PDE3B: variants seen among roughly 807,000 people sequenced by gnomAD.
PDE3B encodes cGMP-inhibited 3',5'-cyclic phosphodiesterase 3B.
In PDE3B, 66 loss-of-function variants were observed where a neutral mutation model predicts 116.8. That is an observed-to-expected ratio of 0.56 (90% CI 0.46 to 0.69). The LOEUF (loss-of-function observed/expected upper bound fraction) is 0.69, where lower values mean the gene tolerates loss of function less well. Among genes scored for constraint, PDE3B ranks in the 30% least tolerant of loss-of-function variants. The probability of loss-of-function intolerance (pLI) is 0.00; values close to 1 mark genes in which losing one functional copy is unlikely to be tolerated. For synonymous variants in PDE3B, 595 were observed against 533.6 expected (o/e 1.12, Z -1.59); for missense variants, 1,384 against 1,368.1 (o/e 1.01, Z -0.18).
chr11:14,879,034 T>A, the PDE3B span: 1 of 1,111,972 alleles, frequency 9.0e-7, no homozygotes, highest in Non-Finnish European at 1.4e-6. Flanking sequence ...TATAGAAGGA[T>A]GCTTCAGATT....
chr11:14,849,532 C>A (rs988505165), intron 12 of PDE3B, among the ~76,000 whole-genome samples: 2 of 152,102 alleles, frequency 1.3e-5, no homozygotes, highest in Non-Finnish European at 2.9e-5. Context: ...AAAGAAACTA[C>A]CATCAGAGTG....
At chr11:14,895,819 T>C in the PDE3B span, among the ~76,000 whole-genome samples, 2 of 152,150 alleles carry the variant, frequency 1.3e-5, no homozygotes, top group African/African-American at 4.8e-5. Context: ...AGTACAGCAA[T>C]AGGAAGTTCT....
chr11:14,745,172 C>T (rs1856880075), intron 1 of PDE3B, among the ~76,000 whole-genome samples: 1 of 152,070 alleles, frequency 6.6e-6, no homozygotes, highest in South Asian at 2.1e-4. Flanking sequence ...TTTCACATTC[C>T]CTAGAGCAAG....
At chr11:14,888,794 G>T in the PDE3B span, among the ~76,000 whole-genome samples, 1 of 152,182 alleles carries the variant, frequency 6.6e-6, no homozygotes, top group Non-Finnish European at 1.5e-5. Context: ...AATAAATGCT[G>T]TAAAAATAAA....
At chr11:14,712,466 GTTTTTTTTTTTTT>G (rs58004646) in intron 1 of PDE3B, among the ~76,000 whole-genome samples, 9 of 76,288 alleles carry the variant, frequency 1.2e-4, no homozygotes, top group Non-Finnish European at 1.8e-4. Flanking sequence ...GTACAAGCTT[GTTTTTTTTTTTTT>G]TTTTTTTTTT....
At chr11:14,846,618 A>G (rs1023654088) in intron 12 of PDE3B, among the ~76,000 whole-genome samples, 12 of 152,352 alleles carry the variant, frequency 7.9e-5, no homozygotes, top group African/African-American at 2.9e-4. Flanking sequence ...AGACACACAT[A>G]GGCTCAAAAT....
chr11:14,823,624 A>G (rs1352895078), intron 7 of PDE3B, among the ~76,000 whole-genome samples: 3 of 152,038 alleles, frequency 2.0e-5, no homozygotes, highest in Non-Finnish European at 4.4e-5. Context: ...TTTTCTGACC[A>G]GCAGCAGTTT....
intron 1 of PDE3B, among the ~76,000 whole-genome samples, chr11:14,662,688 A>G (rs1853971118): frequency 2.6e-5 from 4 of 152,266 alleles, no homozygotes; most frequent in Admixed American, 2.6e-4. Context: ...TGATGCGATC[A>G]ACTGGAAGAA....
intron 4 of PDE3B, among the ~76,000 whole-genome samples, chr11:14,796,508 C>T (rs1421539537): frequency 6.6e-6 from 1 of 152,200 alleles, no homozygotes; most frequent in Non-Finnish European, 1.5e-5. Context: ...ATTCTTATTT[C>T]TCCACATCCT....
At chr11:14,775,449 G>GCTA (rs1857757508) in intron 2 of PDE3B, 1 of 152,108 alleles carries the variant, frequency 6.6e-6, no homozygotes, top group South Asian at 2.1e-4. Context: ...CAGCTCAAAT[G>GCTA]CTACCCCTTC....
chr11:14,650,660 T>C (rs982159953), intron 1 of PDE3B, among the ~76,000 whole-genome samples: 1 of 151,952 alleles, frequency 6.6e-6, no homozygotes, highest in Non-Finnish European at 1.5e-5. Flanking sequence ...GTTGGAGTAA[T>C]ACAGTGTGAT....
chr11:14,677,495 C>T (rs1262635595), intron 1 of PDE3B, among the ~76,000 whole-genome samples: 1 of 151,904 alleles, frequency 6.6e-6, no homozygotes, highest in Non-Finnish European at 1.5e-5. Flanking sequence ...CTCAATATTT[C>T]CCTCGAATCT....
At chr11:14,790,103 TGTTAAA>T (rs1247222762) in intron 4 of PDE3B, among the ~76,000 whole-genome samples, 1 of 152,042 alleles carries the variant, frequency 6.6e-6, no homozygotes, top group Non-Finnish European at 1.5e-5. Context: ...CATAGCTATT[TGTTAAA>T]GTTTATGTTA....
chr11:14,772,846 T>G (rs961133450), intron 2 of PDE3B: 2 of 152,058 alleles, frequency 1.3e-5, no homozygotes, highest in African/African-American at 4.8e-5. Flanking sequence ...CTAAATTTAC[T>G]TAATAATTCT....
intron 1 of PDE3B, among the ~76,000 whole-genome samples, chr11:14,665,246 T>C (rs1393650617): frequency 6.6e-6 from 1 of 152,144 alleles, no homozygotes; most frequent in African/African-American, 2.4e-5. Flanking sequence ...CTCAATAAAT[T>C]AAGTATTGAT....
chr11:14,706,748 C>T (rs574025117), intron 1 of PDE3B, among the ~76,000 whole-genome samples: 13 of 152,072 alleles, frequency 8.5e-5, no homozygotes, highest in African/African-American at 9.6e-5. Context: ...TAGGTGCATA[C>T]AATACACATT....
At chr11:14,666,191 C>G (rs1266871258) in intron 1 of PDE3B, among the ~76,000 whole-genome samples, 1 of 148,428 alleles carries the variant, frequency 6.7e-6, no homozygotes, top group African/African-American at 2.5e-5. Context: ...GAAAGGATTC[C>G]CTATTTAATA....
the PDE3B span, among the ~76,000 whole-genome samples, chr11:14,882,811 A>G: frequency 2.6e-5 from 4 of 152,224 alleles, no homozygotes; most frequent in Admixed American, 6.5e-5. Context: ...AATCTCCTTA[A>G]GCTGATAAGC....
rs774483436 is a variant in PDE3B, at chr11:14,644,285, G to A, written c.210G>A (p.Arg70=). 1.2e-5 allele frequency: 19 copies of A among 1,565,666 alleles called. No homozygotes were observed. The African/African-American group carries it at 2.5e-4, about 20-fold the overall frequency. ...RPPPASPQQP[R]RCSPFCRARL... is the part of the protein sequence containing the mutation. ...CGCCGGCCTCTCCCCAGCAGCCGCGGCGCTGCTCCCCCTTCTGCCGGGCGC... is the reference window on the plus strand; with the variant it reads ...CGCCGGCCTCTCCCCAGCAGCCGCGACGCTGCTCCCCCTTCTGCCGGGCGC... The change falls in exon 1 of 16, where the codon CGG becomes CGA. Residue 70 remains arginine (R), a synonymous_variant. Coordinates refer to ENST00000282096, the MANE Select transcript of PDE3B (RefSeq NM_000922.4).
Sources: allele counts gnomAD v4.1 joint callset (sites outside exome capture counted in the v4.1 genomes callset), GRCh38; gene constraint gnomAD v4.1.1; transcripts MANE v1.5; gene names NCBI Gene and HGNC (gene_info 2026-07-23, HGNC 2026-07-21).